The following SNX25 variants were observed in gnomAD, a reference collection of about 807,000 sequenced individuals.
The protein encoded by SNX25 is sorting nexin-25.
SNX25 carries 62 observed loss-of-function variants against 113.7 expected under a neutral mutation model. The ratio of observed to expected loss-of-function variants is 0.55; its 90% confidence interval spans 0.44 to 0.67. The LOEUF (loss-of-function observed/expected upper bound fraction) is 0.67. SNX25 is among the 30% of genes least tolerant of loss of function. SNX25 has a pLI of 0.00. For missense variants in SNX25, 1,014 were observed against 1,161.0 expected (o/e 0.87, Z 1.84); for synonymous variants, 421 against 436.2 (o/e 0.97, Z 0.43).
chr4:185,223,890 T>C (rs939620429), intron 1 of SNX25, among the ~76,000 whole-genome samples: 2 of 152,212 alleles, frequency 1.3e-5, no homozygotes, highest in Non-Finnish European at 2.9e-5. Context: ...TTAAATACTT[T>C]TAGAAGAGTA....
chr4:185,294,093 GAT>G (rs1000242747), intron 6 of SNX25, among the ~76,000 whole-genome samples: 29 of 152,284 alleles, frequency 1.9e-4, no homozygotes, highest in African/African-American at 7.0e-4. Context: ...CCAAGAGAAT[GAT>G]AGTGCTGGTG....
At chr4:185,266,764 A>G (rs181813175) in intron 4 of SNX25, among the ~76,000 whole-genome samples, 1 of 152,318 alleles carries the variant, frequency 6.6e-6, no homozygotes, top group East Asian at 1.9e-4. Context: ...GATTATAGCC[A>G]TGGATGATAA....
intron 5 of SNX25, among the ~76,000 whole-genome samples, chr4:185,278,076 A>G (rs1176630685): frequency 1.3e-5 from 2 of 152,332 alleles, no homozygotes; most frequent in Non-Finnish European, 2.9e-5. Context: ...GTAAGTTTGT[A>G]TAATTTAATT....
At chr4:185,378,570 G>A in the SNX25 span, 1 of 1,009,272 alleles carries the variant, frequency 9.9e-7, no homozygotes, top group Non-Finnish European at 1.2e-6. Context: ...CTTCTGCACT[G>A]GTACCTTCTC....
intron 5 of SNX25, among the ~76,000 whole-genome samples, chr4:185,277,568 T>G (rs1025862629): frequency 1.3e-5 from 2 of 152,112 alleles, no homozygotes; most frequent in African/African-American, 2.4e-5. Flanking sequence ...GAACGTGGAC[T>G]TGGGGAGAGA....
At chr4:185,320,924 G>A in intron 8 of SNX25, 60 bp downstream of exon 8, 3 of 1,419,124 alleles carry the variant, frequency 2.1e-6, no homozygotes, top group South Asian at 1.6e-5. Flanking sequence ...TGGCATGTGA[G>A]GCAGCATGTC....
intron 1 of SNX25, among the ~76,000 whole-genome samples, chr4:185,216,726 A>G (rs1017958624): frequency 1.6e-4 from 24 of 151,776 alleles, no homozygotes; most frequent in Non-Finnish European, 3.1e-4. Context: ...TCGCCATGTT[A>G]GCCAGGCTGA....
intron 6 of SNX25, among the ~76,000 whole-genome samples, chr4:185,288,801 T>C (rs896991716): frequency 3.9e-5 from 6 of 152,170 alleles, no homozygotes; most frequent in Non-Finnish European, 7.3e-5. Flanking sequence ...AGAGAACGTG[T>C]TAAAATCTAG....
chr4:185,239,655 T>TA (rs763096743), intron 1 of SNX25, among the ~76,000 whole-genome samples: 11 of 152,138 alleles, frequency 7.2e-5, no homozygotes, highest in Non-Finnish European at 1.6e-4. Flanking sequence ...AACTTTATTT[T>TA]ATTTTTGTTG....
chr4:185,339,370 C>G lies in SNX25; in HGVS notation c.1915-9C>G. On this transcript the variant is annotated splice_polypyrimidine_tract_variant and intron_variant, in intron 10 of 18. Coordinates refer to ENST00000652585, the MANE Select transcript of SNX25 (RefSeq NM_001378034.2). ...TTTCATAACTCCCAGGATATTTTCC[C>G]TGTGGCAGATTGTTTCCAAGTTGAA... 20 of 1,613,210 alleles carry G rather than the reference C, an allele frequency of 1.2e-5. No homozygotes were observed. The highest frequency in any genetic ancestry group is 1.6e-5 in the Non-Finnish European group (19 of 1,179,536).
chr4:185,348,401 T>A (rs1007556127), intron 13 of SNX25, among the ~76,000 whole-genome samples: 2 of 151,100 alleles, frequency 1.3e-5, no homozygotes, highest in Admixed American at 6.6e-5. Context: ...ATTTCTTTAT[T>A]TTTTTTTTTG....
intron 16 of SNX25, among the ~76,000 whole-genome samples, chr4:185,360,463 CT>C (rs2095356434): frequency 6.6e-6 from 1 of 152,130 alleles, no homozygotes; most frequent in Admixed American, 6.5e-5. Context: ...TCTTAAAAGG[CT>C]TTTTAATATA....
In SNX25 at chr4:185,261,356, T is replaced by C. The variant is rs372254719; in HGVS notation, c.731+2292T>C. ...CACACCCAGCTACATTTTGTATTTT[T>C]AGTAGAGATGGGGTTTCACCATGTT... On this transcript the variant is annotated intron_variant, in intron 3 of 18. Transcript: ENST00000652585. Among the ~76,000 whole-genome samples, 17 of 152,128 alleles carry C rather than the reference T, an allele frequency of 1.1e-4. No homozygotes were observed. The South Asian group carries it at 3.5e-3, about 32-fold the overall frequency.
chr4:185,282,200 C>T (rs1251284138), intron 5 of SNX25, among the ~76,000 whole-genome samples: 4 of 152,020 alleles, frequency 2.6e-5, no homozygotes, highest in Admixed American at 2.0e-4. Flanking sequence ...TGTGCATGTC[C>T]GGACAGGCTG....
upstream of SNX25, among the ~76,000 whole-genome samples, chr4:185,207,265 G>A (rs1737230181): frequency 7.7e-6 from 1 of 130,536 alleles, no homozygotes. Flanking sequence ...CGCCCAGGCT[G>A]GAGTGCAGTG....
intron 6 of SNX25, among the ~76,000 whole-genome samples, chr4:185,289,645 C>G (rs1751871518): frequency 6.6e-6 from 1 of 152,158 alleles, no homozygotes; most frequent in Non-Finnish European, 1.5e-5. Context: ...GAGACTTGAT[C>G]TGATGAATTC....
chr4:185,220,949 A>C (rs1206493258), intron 1 of SNX25, among the ~76,000 whole-genome samples: 2 of 151,632 alleles, frequency 1.3e-5, no homozygotes, highest in East Asian at 3.9e-4. Flanking sequence ...CCGCAGCATC[A>C]GCCTCCTGGG....
intron 1 of SNX25, among the ~76,000 whole-genome samples, chr4:185,220,778 CCTAA>C (rs954832435): frequency 1.3e-5 from 2 of 152,168 alleles, no homozygotes; most frequent in Admixed American, 1.3e-4. Flanking sequence ...CTGCGCCCGG[CCTAA>C]CTGAGTCCTT....
chr4:185,371,528 C>CGAG (rs2095415690), downstream of SNX25, among the ~76,000 whole-genome samples: 1 of 117,306 alleles, frequency 8.5e-6, no homozygotes, highest in Non-Finnish European at 1.6e-5. Context: ...GGCAACAGAG[C>CGAG]GAGACTCCGT....
Sources: allele counts gnomAD v4.1 joint callset (sites outside exome capture counted in the v4.1 genomes callset), GRCh38; gene constraint gnomAD v4.1.1; transcripts MANE v1.5; gene names NCBI Gene and HGNC (gene_info 2026-07-23, HGNC 2026-07-21).